FAT3: variants seen among roughly 807,000 people sequenced by gnomAD.
The protein encoded by FAT3 is FAT atypical cadherin 3.
Under a neutral mutation model 310.2 loss-of-function variants are expected in FAT3, and 95 were observed. The ratio of observed to expected loss-of-function variants is 0.31; its 90% CI spans 0.26 to 0.36. FAT3 has a LOEUF of 0.36. Ranked by LOEUF, FAT3 falls within the 10% of genes least tolerant of loss-of-function variation. The pLI is 1.00. For missense variants in FAT3, 5,408 were observed against 5,715.6 expected, an observed-to-expected ratio of 0.95 and a Z score of 1.74; for synonymous variants, 2,314 against 2,192.9, an observed-to-expected ratio of 1.06 and a Z score of -1.54.
chr11:92,848,332 T>C (rs567295227), intron 19 of FAT3, among the ~76,000 whole-genome samples: 4 of 152,188 alleles, frequency 2.6e-5, no homozygotes, highest in Admixed American at 2.6e-4. Context: ...GATACAAAGG[T>C]CTGATGTTGT....
chr11:92,297,383 A>G (rs759963202), intron 1 of FAT3, among the ~76,000 whole-genome samples: 1 of 152,150 alleles, frequency 6.6e-6, no homozygotes, highest in Non-Finnish European at 1.5e-5. Flanking sequence ...CCTTGTACCT[A>G]GTAAGTAAAC....
At chr11:92,308,150 AGT>A (rs1294984490) in intron 1 of FAT3, among the ~76,000 whole-genome samples, 1 of 152,024 alleles carries the variant, frequency 6.6e-6, no homozygotes, top group Non-Finnish European at 1.5e-5. Context: ...TGTGTATGTG[AGT>A]GTGTGTGCAT....
chr11:92,629,957 C>T (rs1283562638), intron 3 of FAT3, among the ~76,000 whole-genome samples: 1 of 152,086 alleles, frequency 6.6e-6, no homozygotes, highest in Non-Finnish European at 1.5e-5. Flanking sequence ...GGGTGTGACC[C>T]AAATCTTTGT....
intron 1 of FAT3, among the ~76,000 whole-genome samples, chr11:92,301,569 G>C (rs537354107): frequency 6.6e-6 from 1 of 152,176 alleles, no homozygotes; most frequent in African/African-American, 2.4e-5. Flanking sequence ...GGCAAATGGG[G>C]GCAGAGCCAG....
chr11:92,475,620 A>G (rs1952030084), intron 2 of FAT3, among the ~76,000 whole-genome samples: 1 of 152,158 alleles, frequency 6.6e-6, no homozygotes, highest in Admixed American at 6.5e-5. Flanking sequence ...TTCAGCAATT[A>G]CTTGTTTACC....
intron 18 of FAT3, among the ~76,000 whole-genome samples, chr11:92,841,926 C>G (rs577361379): frequency 1.3e-5 from 2 of 152,132 alleles, no homozygotes; most frequent in Non-Finnish European, 2.9e-5. Flanking sequence ...AACTCTTCAC[C>G]CCTCCCATAT....
At chr11:92,765,844 GTTGTT>G (rs1446013389) in intron 6 of FAT3, among the ~76,000 whole-genome samples, 6 of 151,606 alleles carry the variant, frequency 4.0e-5, no homozygotes, top group Non-Finnish European at 2.9e-5. Context: ...TGGGCTTTTT[GTTGTT>G]TTGTTTTTAT....
chr11:92,290,712 C>T (rs12294541), intron 1 of FAT3, among the ~76,000 whole-genome samples: 9 of 150,870 alleles, frequency 6.0e-5, no homozygotes, highest in Admixed American at 2.0e-4. Context: ...TTCAGTGAGG[C>T]GAGATCATGC....
intron 2 of FAT3, among the ~76,000 whole-genome samples, chr11:92,396,998 C>T (rs139858321): frequency 2.6e-5 from 4 of 152,242 alleles, no homozygotes; most frequent in East Asian, 1.9e-4. Context: ...TGAGCCACCA[C>T]GCCTTGGCCC....
At chr11:92,334,469 T>C (rs1382538170) in intron 1 of FAT3, among the ~76,000 whole-genome samples, 4 of 152,170 alleles carry the variant, frequency 2.6e-5, no homozygotes, top group African/African-American at 9.7e-5. Context: ...TTTAATGAAT[T>C]ATGCCTTATG....
At chr11:92,586,182 A>G (rs1939146374) in intron 3 of FAT3, among the ~76,000 whole-genome samples, 1 of 152,030 alleles carries the variant, frequency 6.6e-6, no homozygotes, top group Admixed American at 6.6e-5. Flanking sequence ...CAAAGTATAT[A>G]TTCAGCCATA....
At chr11:92,327,951 T>C (rs898472831) in intron 1 of FAT3, among the ~76,000 whole-genome samples, 10 of 152,096 alleles carry the variant, frequency 6.6e-5, no homozygotes, top group African/African-American at 2.4e-4. Context: ...TTTCCATGAG[T>C]CCCTGTGTCT....
chr11:92,527,702 T>C (rs1346138644), intron 3 of FAT3, among the ~76,000 whole-genome samples: 3 of 152,098 alleles, frequency 2.0e-5, no homozygotes, highest in African/African-American at 7.3e-5. Flanking sequence ...AGGAACTCTC[T>C]AATAGAAGTC....
chr11:92,348,711 G>C (rs1323814656), intron 1 of FAT3, among the ~76,000 whole-genome samples: 1 of 152,140 alleles, frequency 6.6e-6, no homozygotes, highest in Non-Finnish European at 1.5e-5. Context: ...CCTGGCATTA[G>C]GGGAATCTCT....
chr11:92,434,538 C>G (rs187662392), intron 2 of FAT3, among the ~76,000 whole-genome samples: 4 of 152,224 alleles, frequency 2.6e-5, no homozygotes, highest in Non-Finnish European at 5.9e-5. Context: ...ATTTAGGGGA[C>G]TGAAATATCT....
intron 3 of FAT3, among the ~76,000 whole-genome samples, chr11:92,639,359 C>A (rs1422439028): frequency 1.3e-5 from 2 of 152,158 alleles, no homozygotes; most frequent in African/African-American, 4.8e-5. Context: ...ACTATGAGAA[C>A]CATGCATACT....
intron 7 of FAT3, among the ~76,000 whole-genome samples, chr11:92,786,148 A>G (rs982502283): frequency 1.3e-5 from 2 of 152,180 alleles, no homozygotes; most frequent in African/African-American, 4.8e-5. Context: ...ATGCCAGGAA[A>G]AATTGCAACT....
chr11:92,394,616 G>T (rs1255641439), intron 2 of FAT3, among the ~76,000 whole-genome samples: 1 of 150,600 alleles, frequency 6.6e-6, no homozygotes, highest in Non-Finnish European at 1.5e-5. Flanking sequence ...TTGATCTATT[G>T]GTATCTCAGT....
intron 3 of FAT3, among the ~76,000 whole-genome samples, chr11:92,572,280 C>T (rs1268454849): frequency 1.3e-5 from 2 of 152,184 alleles, no homozygotes. Context: ...ATCATTCTAT[C>T]ATCAAATTTC....
Sources: gnomAD v4.1 joint callset for allele counts (sites outside exome capture counted in the v4.1 genomes callset) on GRCh38, gnomAD v4.1.1 for gene constraint, MANE v1.5 for transcripts, NCBI Gene and HGNC (gene_info 2026-07-23, HGNC 2026-07-21) for gene names.